Variants in DOCK2 observed in about 807,000 individuals in gnomAD.
The protein encoded by DOCK2 is dedicator of cytokinesis 2.
Under a neutral mutation model 248.9 loss-of-function variants are expected in DOCK2, and 87 were observed. That is an observed-to-expected ratio of 0.35 (90% CI 0.29 to 0.42). The LOEUF is 0.42. Ranked by LOEUF, DOCK2 falls within the 10% of genes least tolerant of loss-of-function variation. DOCK2 has a pLI of 1.00. For missense variants in DOCK2, 1,747 were observed against 2,300.2 expected (o/e 0.76, Z 4.92); for synonymous variants, 805 against 821.6 (o/e 0.98, Z 0.35).
chr5:169,953,347 A>AG (rs1491109761), intron 27 of DOCK2, among the ~76,000 whole-genome samples: 20 of 151,078 alleles, frequency 1.3e-4, no homozygotes, highest in East Asian at 3.9e-4. Context: ...AAAAAAAAAA[A>AG]AGAGAGAGAG....
At chr5:169,821,050 G>C (rs1456510292) in intron 26 of DOCK2, among the ~76,000 whole-genome samples, 1 of 152,134 alleles carries the variant, frequency 6.6e-6, no homozygotes, top group East Asian at 1.9e-4. Flanking sequence ...GAAATGAAGC[G>C]AGCAGAGAAG....
In DOCK2 at chr5:169,644,686, C is replaced by T. The variant is rs181525739; in HGVS notation, c.43+7317C>T. On this transcript the variant is annotated intron_variant, in intron 1 of 51. Coordinates refer to ENST00000520908, the MANE Select transcript of DOCK2 (RefSeq NM_004946.3). The stretch of plus-strand genomic sequence containing the variant: ...AAGTGCAGAACATGCAGGTTTGTTA[C>T]GTAGGTATACATGTGCCATGGTGGT... 5.2e-3 allele frequency among the ~76,000 whole-genome samples: 778 copies of T among 150,864 alleles called. 7 individuals carry two copies. Among genetic ancestry groups the T allele is most frequent in the African/African-American group, 0.018 (736 of 40,974 alleles).
chr5:169,698,771 A>G (rs1042515490), intron 11 of DOCK2, among the ~76,000 whole-genome samples: 2 of 152,246 alleles, frequency 1.3e-5, no homozygotes, highest in Non-Finnish European at 2.9e-5. Context: ...TAGATGGGGA[A>G]TTAAACAGAT....
At chr5:169,708,553 A>G (rs1465803746) in intron 15 of DOCK2, among the ~76,000 whole-genome samples, 1 of 144,430 alleles carries the variant, frequency 6.9e-6, no homozygotes, top group African/African-American at 2.6e-5. Context: ...ACTGACTGGA[A>G]CAATTAGCAT....
intron 27 of DOCK2, among the ~76,000 whole-genome samples, chr5:169,920,048 C>T (rs533177661): frequency 1.3e-5 from 2 of 152,238 alleles, no homozygotes; most frequent in East Asian, 3.9e-4. Flanking sequence ...GTCATTTAAT[C>T]CACAACACAA....
At chr5:169,798,209 C>T (rs1766767089) in intron 25 of DOCK2, among the ~76,000 whole-genome samples, 1 of 152,230 alleles carries the variant, frequency 6.6e-6, no homozygotes, top group African/African-American at 2.4e-5. Context: ...CTTCCTCCTG[C>T]AACTTCCTCG....
intron 41 of DOCK2, among the ~76,000 whole-genome samples, chr5:170,054,433 G>A (rs1235698174): frequency 6.6e-6 from 1 of 152,214 alleles, no homozygotes; most frequent in African/African-American, 2.4e-5. Flanking sequence ...CAGCTTAAAA[G>A]GACTAAAGAC....
intron 34 of DOCK2, among the ~76,000 whole-genome samples, chr5:170,032,584 T>G (rs1381496704): frequency 6.6e-6 from 1 of 152,088 alleles, no homozygotes; most frequent in African/African-American, 2.4e-5. Context: ...GAAGAAGCTT[T>G]GTTGCATTGT....
At chr5:169,716,466 C>G (rs1185086074) in intron 20 of DOCK2, among the ~76,000 whole-genome samples, 164 bp downstream of exon 20, 5 of 152,138 alleles carry the variant, frequency 3.3e-5, no homozygotes, top group Non-Finnish European at 7.4e-5. Flanking sequence ...GCTGCTATTT[C>G]CTTTTGCTTC....
At chr5:169,741,011 T>G (rs868742980) in intron 22 of DOCK2, among the ~76,000 whole-genome samples, 78 of 152,180 alleles carry the variant, frequency 5.1e-4, no homozygotes, top group Middle Eastern at 3.4e-3. Context: ...AATTTTTGTA[T>G]TTTTTTGTGG....
intron 22 of DOCK2, among the ~76,000 whole-genome samples, chr5:169,740,853 G>A (rs1448797264): frequency 6.6e-6 from 1 of 152,004 alleles, no homozygotes; most frequent in Non-Finnish European, 1.5e-5. Context: ...TTTTGTTTTT[G>A]GAGACAGGGT....
In DOCK2 at chr5:169,761,358, A is replaced by G; in HGVS notation, c.2448-161A>G. 5 of 637,456 alleles carry G rather than the reference A, an allele frequency of 7.8e-6. No homozygotes were observed. The South Asian group carries it at 9.8e-5, about 12-fold the overall frequency. The allele number at this position is 637,456 out of a possible 1,614,324, so 39.5% of individuals were successfully genotyped here. On this transcript the variant is annotated intron_variant, in intron 24 of 51. Transcript: ENST00000520908. Reference sequence around the variant, plus strand: ...ATGCTACTAATATTCTATACCAAGAACAACTTGTACATTTTTACTGAAGGC... The same window carrying G: ...ATGCTACTAATATTCTATACCAAGAGCAACTTGTACATTTTTACTGAAGGC...
At chr5:169,716,139 T>C in intron 19 of DOCK2, 74 bp from the exon 20 acceptor site, 1 of 1,275,686 alleles carries the variant, frequency 7.8e-7, no homozygotes, top group South Asian at 1.2e-5. Context: ...TATAGATAGT[T>C]AGGAGTGGGA....
chr5:170,061,895 C>G (rs771403819), intron 44 of DOCK2, among the ~76,000 whole-genome samples: 3 of 152,106 alleles, frequency 2.0e-5, no homozygotes, highest in East Asian at 1.9e-4. Flanking sequence ...CCCTCAGAGC[C>G]CCCCCAGAGT....
chr5:169,845,339 C>T (rs1033222211), intron 27 of DOCK2, among the ~76,000 whole-genome samples: 1 of 151,988 alleles, frequency 6.6e-6, no homozygotes, highest in Non-Finnish European at 1.5e-5. Flanking sequence ...ACTTAGGTCA[C>T]TGTGCCCATT....
chr5:170,045,319 A>ATTT (rs1756664517), intron 38 of DOCK2, among the ~76,000 whole-genome samples: 1 of 152,110 alleles, frequency 6.6e-6, no homozygotes, highest in African/African-American at 2.4e-5. Flanking sequence ...ATCTTTGGAA[A>ATTT]AGGGGGCCAA....
chr5:169,871,252 G>C (rs1771951120), intron 27 of DOCK2, among the ~76,000 whole-genome samples: 1 of 152,092 alleles, frequency 6.6e-6, no homozygotes, highest in Non-Finnish European at 1.5e-5. Context: ...TGATTTTTCT[G>C]CTTAAAGAAG....
intron 22 of DOCK2, among the ~76,000 whole-genome samples, chr5:169,719,961 C>A (rs1354716815): frequency 6.6e-6 from 1 of 151,794 alleles, no homozygotes; most frequent in African/African-American, 2.4e-5. Flanking sequence ...GTGATCATGA[C>A]AATGGATGGG....
chr5:169,900,008 A>T (rs970491617), intron 27 of DOCK2, among the ~76,000 whole-genome samples: 2 of 152,176 alleles, frequency 1.3e-5, no homozygotes, highest in East Asian at 3.9e-4. Flanking sequence ...CAGGGTCTCC[A>T]GCACTCGAAA....
Sources: allele counts gnomAD v4.1 joint callset (sites outside exome capture counted in the v4.1 genomes callset), GRCh38; gene constraint gnomAD v4.1.1; transcripts MANE v1.5; gene names NCBI Gene and HGNC (gene_info 2026-07-23, HGNC 2026-07-21).